The following CMYA5 variants were observed in gnomAD, a reference collection of about 807,000 sequenced individuals.
CMYA5 encodes cardiomyopathy-associated protein 5.
CMYA5 carries 246 observed loss-of-function variants against 318.9 expected under a neutral mutation model. The ratio of observed to expected loss-of-function variants is 0.77; its 90% CI spans 0.70 to 0.86. The LOEUF is 0.86. CMYA5 is among the 40% of genes least tolerant of loss of function. CMYA5 has a pLI of 0.00. For synonymous variants in CMYA5, 1,641 were observed against 1,729.5 expected (o/e 0.95, Z 1.27); for missense variants, 4,589 against 4,678.2 (o/e 0.98, Z 0.56).
At chr5:79,699,612 G>A (rs1404522566) in intron 1 of CMYA5, among the ~76,000 whole-genome samples, 2 of 152,170 alleles carry the variant, frequency 1.3e-5, no homozygotes, top group Non-Finnish European at 2.9e-5. Context: ...GAGCAGACTG[G>A]GTGATATAGT....
chr5:79,733,983 G>A lies in CMYA5; in HGVS notation c.5218G>A (p.Glu1740Lys), dbSNP rs539238995. The change falls in exon 2 of 13, where the codon GAA (glutamate) becomes AAA (lysine). Residue 1740 changes from glutamate (E) to lysine (K), a missense_variant. Physicochemically the swap from Glu to Lys is moderately conservative, Grantham distance 56. Around this residue, in one of 3 missense-constraint regions of CMYA5, gnomAD observed 2,132 missense variants for 2,131.3 expected, o/e 1.00. Coordinates refer to ENST00000446378, the MANE Select transcript of CMYA5 (RefSeq NM_153610.5). ...ASVAEGGNPE[E>K]FQPFTFSLKG... ...TGTAGCTGAAGGAGGCAACCCAGAA[G>A]AATTTCAGCCATTTACTTTTTCTTT... The A allele has an allele frequency of 5.4e-5, 87 of 1,613,580 alleles. 1 individual carries two copies. In the South Asian group the frequency reaches 8.6e-4, roughly 16 times the overall value.
At position 79,708,009 on chromosome 5, in the gene CMYA5, A is replaced by G. The variant is rs553359651; in HGVS notation, c.149+17953A>G. ...TTCAGCCTCTTTCATAAGATTGCCA[A>G]TCCCATTTGTGAAGCCTCCATCCTC... On this transcript the variant is annotated intron_variant, in intron 1 of 12. Coordinates refer to ENST00000446378, the MANE Select transcript of CMYA5 (RefSeq NM_153610.5). Among the ~76,000 whole-genome samples the G allele has an allele frequency of 1.4e-4, 22 of 152,290 alleles. No homozygotes were observed. In the South Asian group the frequency reaches 4.3e-3, roughly 30 times the overall value.
chr5:79,739,397 T>G lies in CMYA5; in HGVS notation c.10632T>G (p.Ala3544=), dbSNP rs1419044213. 1 of 1,518,058 alleles carries G rather than the reference T, an allele frequency of 6.6e-7. No homozygotes were observed. The highest frequency in any genetic ancestry group is 8.8e-7 in the Non-Finnish European group (1 of 1,134,926). 94.0% of individuals were successfully genotyped at this position (1,518,058 alleles called of 1,614,324 possible). Residue 3544 remains alanine (A), a synonymous_variant, in exon 2 of 13, where the codon GCT becomes GCG. Coordinates refer to ENST00000446378, the MANE Select transcript of CMYA5 (RefSeq NM_153610.5). ...CAACGCTTGACACAGCTATAAGTGC[T>G]GTAAAGGTAAATAGATGTTGAACAC... ...EVSTLDTAIS[A]VKVQLAEFLE...
intron 1 of CMYA5, among the ~76,000 whole-genome samples, chr5:79,698,114 A>T (rs957164578): frequency 6.6e-6 from 1 of 152,174 alleles, no homozygotes; most frequent in Non-Finnish European, 1.5e-5. Flanking sequence ...GACAATTTAT[A>T]TTAGTTTTGG....
chr5:79,799,862 T>A lies in CMYA5; in HGVS notation c.*246T>A. The A allele has an allele frequency of 1.0e-5, 2 of 200,576 alleles. No homozygotes were observed. Among genetic ancestry groups the A allele is most frequent in the South Asian group, 1.4e-4 (1 of 7,370 alleles). The allele number at this position is 200,576 out of a possible 1,614,324, so 12.4% of individuals were successfully genotyped here. On this transcript the variant is annotated 3_prime_UTR_variant, in exon 13 of 13. Coordinates refer to ENST00000446378, the MANE Select transcript of CMYA5 (RefSeq NM_153610.5). ...TTAGTTTATATAAGTTTGAGTTCTT[T>A]CCTAAATTAAAAGATCTACACTTGA...
chr5:79,710,636 C>CT (rs1454664816), intron 1 of CMYA5, among the ~76,000 whole-genome samples: 1 of 152,038 alleles, frequency 6.6e-6, no homozygotes, highest in South Asian at 2.1e-4. Context: ...TTTTAATTTT[C>CT]TTTTTTTGTG....
At chr5:79,755,537 T>C (rs1387179943) in intron 6 of CMYA5, among the ~76,000 whole-genome samples, 2 of 152,216 alleles carry the variant, frequency 1.3e-5, no homozygotes, top group Admixed American at 1.3e-4. Flanking sequence ...TCTGCCCTCC[T>C]TGGCCTCCCA....
At chr5:79,713,699 G>A (rs1156911111) in intron 1 of CMYA5, among the ~76,000 whole-genome samples, 1 of 151,620 alleles carries the variant, frequency 6.6e-6, no homozygotes, top group Non-Finnish European at 1.5e-5. Flanking sequence ...TAACTCTGGA[G>A]AGAAATGATT....
intron 1 of CMYA5, among the ~76,000 whole-genome samples, chr5:79,701,098 A>C (rs1209080053): frequency 6.6e-6 from 1 of 151,526 alleles, no homozygotes; most frequent in Admixed American, 6.6e-5. Flanking sequence ...TACAAAAAAA[A>C]AAAAAAAAAA....
intron 9 of CMYA5, among the ~76,000 whole-genome samples, chr5:79,778,541 C>G (rs1031508998): frequency 6.6e-6 from 1 of 152,070 alleles, no homozygotes; most frequent in South Asian, 2.1e-4. Flanking sequence ...AGAGCCACTA[C>G]AGTACTTCTT....
At chr5:79,741,564 T>A (rs548348877) in intron 2 of CMYA5, among the ~76,000 whole-genome samples, 1 of 152,232 alleles carries the variant, frequency 6.6e-6, no homozygotes, top group Non-Finnish European at 1.5e-5. Context: ...GTTGAAACTT[T>A]ACTTGTTAAA....
intron 9 of CMYA5, among the ~76,000 whole-genome samples, chr5:79,765,831 A>G (rs1023975442): frequency 6.6e-6 from 1 of 152,216 alleles, no homozygotes; most frequent in African/African-American, 2.4e-5. Flanking sequence ...ATTTTTGCAC[A>G]TTGATTTTGT....
chr5:79,708,494 G>A (rs1041805732), intron 1 of CMYA5, among the ~76,000 whole-genome samples: 2 of 149,460 alleles, frequency 1.3e-5, no homozygotes, highest in East Asian at 2.0e-4. Context: ...GCGTGGTGGC[G>A]GGTGCCTGTA....
chr5:79,772,099 C>A (rs1828867273), intron 9 of CMYA5, among the ~76,000 whole-genome samples: 1 of 151,714 alleles, frequency 6.6e-6, no homozygotes, highest in Admixed American at 6.6e-5. Context: ...GCCAGAGAAA[C>A]CAATGACAGT....
chr5:79,789,672 G>A (rs1282242024), intron 10 of CMYA5, among the ~76,000 whole-genome samples: 4 of 151,898 alleles, frequency 2.6e-5, no homozygotes, highest in Admixed American at 6.6e-5. Context: ...TGATCTGCCC[G>A]CCTCAGCCTC....
chr5:79,772,339 TAGAAATAA>T (rs1335949128), intron 9 of CMYA5, among the ~76,000 whole-genome samples: 1 of 152,170 alleles, frequency 6.6e-6, no homozygotes, highest in Non-Finnish European at 1.5e-5. Flanking sequence ...CCAGCAAATT[TAGAAATAA>T]AGGGAAGTTG....
Position 79,785,688 on chromosome 5 carries a change from A to G in CMYA5, c.11556-3283A>G, listed in dbSNP as rs34473747. ...TTCAACTGATTTTCTTGGGTTCTCT[A>G]GATAAATGGTCCCATCATCTGCAAA... On this transcript the variant is annotated intron_variant, in intron 9 of 12. Coordinates refer to ENST00000446378, the MANE Select transcript of CMYA5 (RefSeq NM_153610.5). Among the ~76,000 whole-genome samples the G allele has an allele frequency of 0.014, 2,094 of 152,182 alleles. 182 individuals are homozygous for G. The East Asian group carries it at 0.26, about 19-fold the overall frequency.
chr5:79,733,157 A>C lies in CMYA5; in HGVS notation c.4392A>C (p.Glu1464Asp). ...AGCATTCTGTTTTGTCAGAAGTAGA[A>C]GCCAAAGAAGTTAAAGCTGGGTTGC... ...IAEHSVLSEV[E>D]AKEVKAGLPV... Residue 1464 changes from glutamate to aspartate, a missense_variant, in exon 2 of 13, where the codon GAA becomes GAC. Glu to Asp is a conservative substitution (Grantham distance 45, BLOSUM62 2). Transcript: ENST00000446378. The C allele has an allele frequency of 6.2e-7, 1 of 1,613,846 alleles. No homozygotes were observed. The highest frequency in any genetic ancestry group is 1.1e-5 in the South Asian group (1 of 91,058).
At chr5:79,715,315 T>C (rs1474483192) in intron 1 of CMYA5, among the ~76,000 whole-genome samples, 1 of 151,432 alleles carries the variant, frequency 6.6e-6, no homozygotes, top group Admixed American at 6.6e-5. Context: ...TGTGACAGAG[T>C]CTCGCTCTGT....
Sources: gnomAD v4.1 joint callset for allele counts (sites outside exome capture counted in the v4.1 genomes callset) on GRCh38, gnomAD v4.1.1 for gene constraint, gnomAD v4.1.1 regional missense constraint, MANE v1.5 for transcripts, NCBI Gene and HGNC (gene_info 2026-07-23, HGNC 2026-07-21) for gene names.